The following PTPRD variants were observed in gnomAD, a reference collection of about 807,000 sequenced individuals.
PTPRD encodes the protein receptor-type tyrosine-protein phosphatase delta.
A neutral mutation model predicts 214.5 loss-of-function variants in PTPRD; 34 were observed. The observed-to-expected ratio is 0.16, with a 90% CI of 0.12 to 0.21. PTPRD has a LOEUF of 0.21. Among genes scored for constraint, PTPRD ranks in the 10% least tolerant of loss-of-function variants. The pLI, the probability that PTPRD is intolerant of heterozygous loss-of-function variation, is 1.00. For missense variants in PTPRD, 2,545 were observed against 2,398.7 expected (o/e 1.06, Z -1.27); for synonymous variants, 1,128 against 845.7 (o/e 1.33, Z -5.79).
At chr9:10,141,043 T>C (rs2098980991) in intron 3 of PTPRD, among the ~76,000 whole-genome samples, 2 of 152,058 alleles carry the variant, frequency 1.3e-5, no homozygotes, top group Non-Finnish European at 2.9e-5. Context: ...TTGACAAAAT[T>C]CAACAACCCT....
chr9:8,567,774 T>G (rs1482232529), intron 14 of PTPRD, among the ~76,000 whole-genome samples: 1 of 152,192 alleles, frequency 6.6e-6, no homozygotes, highest in Non-Finnish European at 1.5e-5. Flanking sequence ...ATTTTTAGTC[T>G]TATTTCTCTC....
At chr9:10,112,389 A>G (rs1190121015) in intron 3 of PTPRD, among the ~76,000 whole-genome samples, 1 of 152,192 alleles carries the variant, frequency 6.6e-6, no homozygotes, top group Non-Finnish European at 1.5e-5. Context: ...TATTATTTTT[A>G]AAGATTTGTT....
intron 5 of PTPRD, among the ~76,000 whole-genome samples, chr9:9,771,955 T>C (rs908478016): frequency 6.6e-6 from 1 of 152,162 alleles, no homozygotes; most frequent in African/African-American, 2.4e-5. Context: ...CATTGTTTAT[T>C]TGTATTACAT....
At chr9:8,679,973 C>T (rs992341286) in intron 12 of PTPRD, among the ~76,000 whole-genome samples, 1 of 152,114 alleles carries the variant, frequency 6.6e-6, no homozygotes, top group Non-Finnish European at 1.5e-5. Flanking sequence ...GGCCAGAAAG[C>T]AAATTAATCT....
chr9:8,817,312 A>G (rs775048233), intron 11 of PTPRD, among the ~76,000 whole-genome samples: 1 of 152,260 alleles, frequency 6.6e-6, no homozygotes. Flanking sequence ...ATCATGTTGA[A>G]TAAATCTTTC....
chr9:10,184,172 C>T (rs370069700), intron 3 of PTPRD, among the ~76,000 whole-genome samples: 3 of 152,118 alleles, frequency 2.0e-5, no homozygotes, highest in Non-Finnish European at 4.4e-5. Flanking sequence ...TGCCTGTTAA[C>T]CCAGTATTTT....
intron 37 of PTPRD, among the ~76,000 whole-genome samples, 183 bp downstream of exon 37, chr9:8,389,049 T>C (rs2088428852): frequency 6.6e-6 from 1 of 151,428 alleles, no homozygotes; most frequent in Non-Finnish European, 1.5e-5. Flanking sequence ...ATTTCTTTTG[T>C]GAAAACACCC....
intron 2 of PTPRD, among the ~76,000 whole-genome samples, chr9:10,427,564 A>G (rs1194116132): frequency 6.6e-6 from 1 of 152,046 alleles, no homozygotes; most frequent in Non-Finnish European, 1.5e-5. Context: ...CTGATGGTTG[A>G]TAATTGTCAT....
chr9:9,826,068 G>C (rs1280385726), intron 5 of PTPRD, among the ~76,000 whole-genome samples: 2 of 151,456 alleles, frequency 1.3e-5, no homozygotes, highest in Non-Finnish European at 3.0e-5. Context: ...TCTTTTATTT[G>C]TTTTTCTTCT....
At chr9:8,425,199 C>G (rs2094582144) in intron 35 of PTPRD, among the ~76,000 whole-genome samples, 2 of 152,146 alleles carry the variant, frequency 1.3e-5, no homozygotes, top group African/African-American at 4.8e-5. Flanking sequence ...CTCTAGGCAG[C>G]CTTGTTCCAA....
At chr9:9,881,980 T>C (rs751895229) in intron 5 of PTPRD, among the ~76,000 whole-genome samples, 34 of 152,074 alleles carry the variant, frequency 2.2e-4, no homozygotes, top group Admixed American at 5.9e-4. Context: ...CCAACTTCCA[T>C]TGCTTTTCTC....
chr9:9,472,313 C>G (rs1016848809), intron 8 of PTPRD, among the ~76,000 whole-genome samples: 18 of 151,394 alleles, frequency 1.2e-4, no homozygotes, highest in African/African-American at 4.4e-4. Flanking sequence ...ACGCCATTCT[C>G]CTGCCTCAGC....
At chr9:9,922,141 A>G (rs1446150394) in intron 5 of PTPRD, among the ~76,000 whole-genome samples, 1 of 152,094 alleles carries the variant, frequency 6.6e-6, no homozygotes, top group African/African-American at 2.4e-5. Flanking sequence ...TGAGCAACTC[A>G]CCACTTGGAA....
chr9:9,729,110 C>T lies in PTPRD; in HGVS notation c.-287+5423G>A, dbSNP rs534036968. ...ACCCAAACATAATAGCTCCCATTTC[C>T]GTTTGAGTAGTTTGGGCGGGCTTTA... On this transcript the variant is annotated intron_variant, in intron 7 of 45. Coordinates refer to ENST00000381196, the MANE Select transcript of PTPRD (RefSeq NM_002839.4). 6.8e-4 allele frequency among the ~76,000 whole-genome samples: 104 copies of T among 152,208 alleles called. 1 individual carries two copies. Among genetic ancestry groups the T allele is most frequent in the Admixed American group, 4.4e-3 (67 of 15,272 alleles).
chr9:8,952,110 T>C (rs1290863514), intron 11 of PTPRD, among the ~76,000 whole-genome samples: 2 of 152,022 alleles, frequency 1.3e-5, no homozygotes, highest in Non-Finnish European at 2.9e-5. Flanking sequence ...TCTCTGTATA[T>C]AATTCCGAAT....
At chr9:9,352,064 TC>T (rs967525052) in intron 9 of PTPRD, among the ~76,000 whole-genome samples, 1 of 151,896 alleles carries the variant, frequency 6.6e-6, no homozygotes, top group Non-Finnish European at 1.5e-5. Flanking sequence ...TGCCTTGACT[TC>T]CCAAAGTGCT....
chr9:9,593,725 T>G (rs538808735), intron 7 of PTPRD, among the ~76,000 whole-genome samples: 157 of 151,974 alleles, frequency 1.0e-3, no homozygotes, highest in Non-Finnish European at 2.0e-3. Context: ...AGGAACACAA[T>G]GAAGGTCACT....
intron 3 of PTPRD, among the ~76,000 whole-genome samples, chr9:10,249,533 A>G (rs946181239): frequency 2.0e-5 from 3 of 152,210 alleles, no homozygotes; most frequent in Non-Finnish European, 4.4e-5. Context: ...GACAGGAGCA[A>G]AGGATGGTCA....
intron 7 of PTPRD, among the ~76,000 whole-genome samples, chr9:9,601,432 A>G (rs2093761802): frequency 6.6e-6 from 1 of 152,054 alleles, no homozygotes; most frequent in African/African-American, 2.4e-5. Context: ...ATTGATGGTT[A>G]TTGTTTCACC....
Sources: allele counts gnomAD v4.1 joint callset (sites outside exome capture counted in the v4.1 genomes callset), GRCh38; gene constraint gnomAD v4.1.1; transcripts MANE v1.5; gene names NCBI Gene and HGNC (gene_info 2026-07-23, HGNC 2026-07-21).